WNK1: variants seen among roughly 807,000 people sequenced by gnomAD.
WNK1 encodes WNK lysine deficient protein kinase 1.
WNK1 carries 38 observed loss-of-function variants against 222.8 expected under a neutral mutation model. The observed-to-expected ratio is 0.17, with a 90% CI of 0.13 to 0.22. The LOEUF (loss-of-function observed/expected upper bound fraction) is 0.22, where lower values mean the gene tolerates loss of function less well. Among genes scored for constraint, WNK1 ranks in the 10% least tolerant of loss-of-function variants. The pLI is 1.00. For synonymous variants in WNK1, 1,090 were observed against 1,092.9 expected (o/e 1.00, Z 0.05); for missense variants, 2,348 against 2,918.4 (o/e 0.80, Z 4.50).
chr12:822,753 G>A lies in WNK1; in HGVS notation c.933-4289G>A, dbSNP rs369147881. ...TAGTTTTATAATAATTATTTTACAT[G>A]CATTTGTCTTTTAAATCATGTAGGA... is the stretch of plus-strand genomic sequence containing the variant. On this transcript the variant is annotated intron_variant, in intron 2 of 27. Coordinates refer to ENST00000315939, the MANE Select transcript of WNK1 (RefSeq NM_018979.4). Among the ~76,000 whole-genome samples the A allele has an allele frequency of 4.9e-4, 75 of 152,150 alleles. 1 individual carries two copies. Among genetic ancestry groups the A allele is most frequent in the South Asian group, 1.0e-3 (5 of 4,826 alleles).
At chr12:898,457 T>A (rs1177774568) in intron 25 of WNK1, among the ~76,000 whole-genome samples, 1 of 144,098 alleles carries the variant, frequency 6.9e-6, no homozygotes, top group Non-Finnish European at 1.5e-5. Context: ...CACTCCAGCC[T>A]CGGTGACAGA....
At chr12:871,727 C>G (rs1458210766) in intron 9 of WNK1, among the ~76,000 whole-genome samples, 1 of 152,042 alleles carries the variant, frequency 6.6e-6, no homozygotes, top group Non-Finnish European at 1.5e-5. Context: ...CTCAGCTTTC[C>G]ACGTAGCTGG....
Position 885,134 on chromosome 12 carries a change from A to G in WNK1, c.4330A>G (p.Ser1444Gly), listed in dbSNP as rs1228999178. 6.2e-7 allele frequency: 1 copy of G among 1,614,192 alleles called. No individual in the cohort carries two copies. ...ATCCACATCTGAGATCGTTGTTTCT[A>G]GTACAGCACTGTATCCTTCAGTAAC... is the stretch of plus-strand genomic sequence containing the variant. ...PTSTSEIVVS[S>G]TALYPSVTVS... Residue 1444 changes from serine (S) to glycine (G), a missense_variant, in exon 19 of 28, where the codon AGT becomes GGT. By Grantham distance (56) the Ser-to-Gly change is moderately conservative (BLOSUM62 0). This residue lies in a region of WNK1 where 1,144 missense variants were observed against 1,273.6 expected (regional missense o/e 0.90). Transcript: ENST00000315939.
chr12:893,149 C>A (rs1029702556), intron 22 of WNK1, among the ~76,000 whole-genome samples: 6 of 152,040 alleles, frequency 3.9e-5, no homozygotes, highest in African/African-American at 1.2e-4. Context: ...TCTAGCTTCT[C>A]AGGAGGCTGA....
rs2023944 is a variant in WNK1 at position 910,778 on chromosome 12, G to A, written c.*1986G>A. On this transcript the variant is annotated 3_prime_UTR_variant, in exon 28 of 28. Coordinates refer to ENST00000315939, the MANE Select transcript of WNK1 (RefSeq NM_018979.4). ...TTCCTTAAGGGCCCTGCTTCCCTTA[G>A]TAAGTAAGTAAGTTGGTCTACGGCC... 150,852 of 152,500 alleles carry A rather than the reference G, an allele frequency of 0.99. 74,632 individuals carry two copies. Among genetic ancestry groups the A allele is most frequent in the East Asian group, 1 (5,192 of 5,192 alleles). 9.4% of individuals were successfully genotyped at this position (152,500 alleles called of 1,614,324 possible). A position where few individuals can be genotyped will look rare whatever the true frequency, so the allele number is the denominator to read the frequency against.
intron 8 of WNK1, among the ~76,000 whole-genome samples, chr12:863,057 A>G (rs1304896612): frequency 6.6e-6 from 1 of 152,158 alleles, no homozygotes; most frequent in Non-Finnish European, 1.5e-5. Context: ...CCTCAGAGGA[A>G]AATAAAATAC....
intron 1 of WNK1, among the ~76,000 whole-genome samples, chr12:792,602 C>A (rs1287421723): frequency 6.6e-6 from 1 of 152,042 alleles, no homozygotes; most frequent in African/African-American, 2.4e-5. Context: ...GTATGAGTCA[C>A]CACGCCCGGC....
intron 4 of WNK1, chr12:851,893 T>C (rs1006087482): frequency 1.1e-6 from 1 of 944,490 alleles, no homozygotes; most frequent in South Asian, 1.7e-5. Context: ...AGTATTGAAA[T>C]TGTTAACTTG....
intron 1 of WNK1, among the ~76,000 whole-genome samples, chr12:797,614 T>C (rs1460917345): frequency 1.3e-5 from 2 of 152,154 alleles, no homozygotes; most frequent in African/African-American, 4.8e-5. Context: ...TTCTACTCTC[T>C]ACTTTGTAAG....
intron 1 of WNK1, among the ~76,000 whole-genome samples, chr12:765,890 A>G (rs1361661313): frequency 1.3e-5 from 2 of 152,256 alleles, no homozygotes; most frequent in Admixed American, 6.5e-5. Context: ...TTAAATATGT[A>G]TACTCTATTA....
intron 1 of WNK1, among the ~76,000 whole-genome samples, chr12:792,377 A>G (rs1020008980): frequency 5.7e-5 from 8 of 140,842 alleles, no homozygotes; most frequent in African/African-American, 1.9e-4. Context: ...CAGTGGTGCA[A>G]TCTCGGCTCA....
At chr12:832,962 GTC>G (rs1948910454) in intron 4 of WNK1, among the ~76,000 whole-genome samples, 1 of 151,066 alleles carries the variant, frequency 6.6e-6, no homozygotes, top group African/African-American at 2.4e-5. Flanking sequence ...CCCAGTTCAT[GTC>G]TCTTATTATT....
At chr12:790,648 C>T (rs899455633) in intron 1 of WNK1, among the ~76,000 whole-genome samples, 2 of 152,268 alleles carry the variant, frequency 1.3e-5, no homozygotes, top group Non-Finnish European at 2.9e-5. Context: ...TTGAATGCAA[C>T]GTGCTCTGTG....
At chr12:887,331 C>A (rs201139965) in intron 20 of WNK1, 27 bp downstream of exon 20, 1 of 1,610,012 alleles carries the variant, frequency 6.2e-7, no homozygotes, top group African/African-American at 1.3e-5. Flanking sequence ...CAAATTTCTT[C>A]CTGTGCCCTA....
chr12:841,013 A>G lies in WNK1; in HGVS notation c.1311+10853A>G, dbSNP rs74056045. ...AGTAAGTTTAACAGAACCTGGAAAG[A>G]CTGGTGTCACTGTTTCTGTATTCTC... On this transcript the variant is annotated intron_variant, in intron 4 of 27. Transcript: ENST00000315939. Among the ~76,000 whole-genome samples the G allele has an allele frequency of 4.2e-3, 643 of 152,364 alleles. 6 individuals carry two copies. Among genetic ancestry groups the G allele is most frequent in the African/African-American group, 0.014 (603 of 41,592 alleles).
intron 22 of WNK1, among the ~76,000 whole-genome samples, chr12:893,401 C>T (rs539497423): frequency 3.5e-4 from 54 of 152,232 alleles, no homozygotes; most frequent in Non-Finnish European, 3.8e-4. Flanking sequence ...GGAATGATCT[C>T]AAAGATATAG....
At position 896,237 on chromosome 12, in the gene WNK1, T is replaced by C; in HGVS notation, c.5750T>C (p.Ile1917Thr). 1.9e-6 allele frequency: 3 copies of C among 1,614,200 alleles called. No homozygotes were observed. Among genetic ancestry groups the C allele is most frequent in the Non-Finnish European group, 2.5e-6 (3 of 1,180,040 alleles). The stretch of plus-strand genomic sequence containing the variant: ...CCGAATGGCATAACCATCCCTGGTA[T>C]CTCTTCAGATGTGCCAGAGAGTGCC... ...PEPNGITIPG[I>T]SSDVPESAHK... Residue 1917 changes from isoleucine to threonine, a missense_variant, in exon 24 of 28, where the codon ATC becomes ACC. By Grantham distance (89) the Ile-to-Thr change is moderately conservative. Around this residue, in one of 13 missense-constraint regions of WNK1, gnomAD observed 1,144 missense variants for 1,273.6 expected, o/e 0.90. Coordinates refer to ENST00000315939, the MANE Select transcript of WNK1 (RefSeq NM_018979.4).
chr12:754,714 C>T (rs554069157), intron 1 of WNK1, among the ~76,000 whole-genome samples: 1 of 152,096 alleles, frequency 6.6e-6, no homozygotes, highest in Non-Finnish European at 1.5e-5. Flanking sequence ...GGTGTAGAAG[C>T]GTGTTTTCAT....
chr12:880,467 C>T (rs1368581518), intron 11 of WNK1, among the ~76,000 whole-genome samples: 2 of 152,108 alleles, frequency 1.3e-5, no homozygotes, highest in Non-Finnish European at 2.9e-5. Flanking sequence ...TGTGTTCCTC[C>T]TATTTAAATC....
Sources: allele counts gnomAD v4.1 joint callset (sites outside exome capture counted in the v4.1 genomes callset), GRCh38; gene constraint gnomAD v4.1.1; regional missense constraint gnomAD v4.1.1; transcripts MANE v1.5; gene names NCBI Gene and HGNC (gene_info 2026-07-23, HGNC 2026-07-21).